Variants in STK32B observed in about 807,000 individuals in gnomAD.
The protein encoded by STK32B is serine/threonine kinase 32B.
Under a neutral mutation model 52.6 loss-of-function variants are expected in STK32B, and 43 were observed. That is an observed-to-expected ratio of 0.82 (90% CI 0.64 to 1.05). STK32B has a LOEUF of 1.05. STK32B is among the 50% of genes least tolerant of loss of function. STK32B has a pLI of 0.00. For missense variants in STK32B, 621 were observed against 534.6 expected (o/e 1.16, Z -1.59); for synonymous variants, 238 against 204.3 (o/e 1.17, Z -1.41).
At chr4:5,340,329 T>C (rs1047837044) in intron 4 of STK32B, among the ~76,000 whole-genome samples, 1 of 152,054 alleles carries the variant, frequency 6.6e-6, no homozygotes, top group African/African-American at 2.4e-5. Flanking sequence ...AGGGGCCGAG[T>C]TGGCAAGTAA....
chr4:5,250,099 A>G (rs561907930), intron 3 of STK32B, among the ~76,000 whole-genome samples: 2 of 152,198 alleles, frequency 1.3e-5, no homozygotes, highest in East Asian at 1.9e-4. Context: ...ATTCAGTTTT[A>G]TGGTGGCATA....
At chr4:5,080,280 T>G (rs1468330692) in intron 1 of STK32B, among the ~76,000 whole-genome samples, 2 of 152,154 alleles carry the variant, frequency 1.3e-5, no homozygotes, top group South Asian at 2.1e-4. Flanking sequence ...CACTCTCTTG[T>G]GTATACCAAG....
In STK32B at chr4:5,469,475, A is replaced by G. The variant is rs1717692534; in HGVS notation, c.1106+1405A>G. Among the ~76,000 whole-genome samples, 1 of 152,140 alleles carries G rather than the reference A, an allele frequency of 6.6e-6. No individual in the cohort carries two copies. Among genetic ancestry groups the G allele is most frequent in the African/African-American group, 2.4e-5 (1 of 41,440 alleles). Reference sequence around the variant, plus strand: ...CCAGGAGTAGGAAAAGTGCACAGAGAAGGAAGACAGCATGGCTGCCGCAGG... The same window carrying G: ...CCAGGAGTAGGAAAAGTGCACAGAGGAGGAAGACAGCATGGCTGCCGCAGG... On this transcript the variant is annotated intron_variant, in intron 11 of 11. Coordinates refer to ENST00000282908, the MANE Select transcript of STK32B (RefSeq NM_018401.3). The surrounding 1 kb of genome is among the most constrained non-coding windows in gnomAD (Gnocchi z 4.7).
the STK32B span, among the ~76,000 whole-genome samples, chr4:5,037,058 GTGTC>G: frequency 1.3e-5 from 2 of 152,188 alleles, no homozygotes; most frequent in South Asian, 2.1e-4. Context: ...CTGGAGCAGG[GTGTC>G]TGAGCTATTG....
chr4:5,125,104 T>G lies in STK32B; in HGVS notation c.53-14801T>G, dbSNP rs76323108. Among the ~76,000 whole-genome samples the G allele has an allele frequency of 4.7e-3, 723 of 152,232 alleles. 3 individuals carry two copies. The highest frequency in any genetic ancestry group is 0.017 in the African/African-American group (701 of 41,556). ...CACAACCAGCAAAGACACAGGGACC[T>G]TAGTCCTACAGCTGCAGGGAACGGA... On this transcript the variant is annotated intron_variant, in intron 1 of 11. Coordinates refer to ENST00000282908, the MANE Select transcript of STK32B (RefSeq NM_018401.3).
intron 2 of STK32B, among the ~76,000 whole-genome samples, chr4:5,142,977 C>T (rs895355978): frequency 6.6e-6 from 1 of 152,164 alleles, no homozygotes; most frequent in East Asian, 1.9e-4. Context: ...ACTGGAGTTG[C>T]AGTATCAACT....
intron 4 of STK32B, among the ~76,000 whole-genome samples, chr4:5,365,041 A>G (rs1377233395): frequency 4.6e-5 from 7 of 151,854 alleles, no homozygotes; most frequent in Non-Finnish European, 1.0e-4. Context: ...ACACCCGGCT[A>G]ATTTTTGTAT....
chr4:5,489,909 T>C (rs993922403), intron 11 of STK32B, among the ~76,000 whole-genome samples: 2 of 152,200 alleles, frequency 1.3e-5, no homozygotes, highest in African/African-American at 2.4e-5. Flanking sequence ...AGATACAGTG[T>C]AATACATGTA....
At chr4:5,167,737 A>C (rs1349645849) in intron 2 of STK32B, among the ~76,000 whole-genome samples, 1 of 152,204 alleles carries the variant, frequency 6.6e-6, no homozygotes, top group African/African-American at 2.4e-5. Flanking sequence ...ACAGTCGTGG[A>C]TCGAATGTTG....
chr4:5,127,063 T>G (rs1560165209), intron 1 of STK32B: 2 of 500,836 alleles, frequency 4.0e-6, no homozygotes, highest in Non-Finnish European at 4.0e-6. Flanking sequence ...GCCATGGACA[T>G]TGGTGCTGCC....
chr4:5,187,595 G>A (rs1240473441), intron 3 of STK32B, among the ~76,000 whole-genome samples: 3 of 151,364 alleles, frequency 2.0e-5, no homozygotes, highest in East Asian at 1.9e-4. Flanking sequence ...GGGGTGTGTC[G>A]GGGCAGGGTG....
At chr4:5,059,326 G>A (rs1490809184) in intron 1 of STK32B, among the ~76,000 whole-genome samples, 1 of 151,970 alleles carries the variant, frequency 6.6e-6, no homozygotes, top group Non-Finnish European at 1.5e-5. Flanking sequence ...TTACAATTAA[G>A]TATTATATTA....
At chr4:5,321,500 T>G (rs1020271450) in intron 3 of STK32B, among the ~76,000 whole-genome samples, 3 of 152,180 alleles carry the variant, frequency 2.0e-5, no homozygotes, top group Admixed American at 2.0e-4. Context: ...TTTCCACTGC[T>G]AAGGGAGCAG....
intron 1 of STK32B, among the ~76,000 whole-genome samples, chr4:5,092,440 G>C (rs1227492858): frequency 1.3e-5 from 2 of 151,926 alleles, no homozygotes; most frequent in East Asian, 3.9e-4. Flanking sequence ...GCTGAGGCCG[G>C]AGAATGGTGT....
At chr4:5,371,714 T>C (rs1015084613) in intron 4 of STK32B, among the ~76,000 whole-genome samples, 2 of 152,216 alleles carry the variant, frequency 1.3e-5, no homozygotes, top group African/African-American at 4.8e-5. Context: ...TCAAAATTAC[T>C]CAACCCTGCC....
rs550076013 is a variant in STK32B at position 5,386,202 on chromosome 4, C to A, written c.435-12005C>A. On this transcript the variant is annotated intron_variant, in intron 4 of 11. Transcript: ENST00000282908. The surrounding 1 kb of genome is among the most constrained non-coding windows in gnomAD (Gnocchi z 4.5). The stretch of plus-strand genomic sequence containing the variant: ...TCTCACACAGCACCCTCACTCTCCC[C>A]CTCTATTTCCCTCAGCGTATCATAT... Among the ~76,000 whole-genome samples the A allele has an allele frequency of 6.6e-6, 1 of 152,154 alleles. No individual in the cohort carries two copies. The highest frequency in any genetic ancestry group is 1.9e-4 in the East Asian group (1 of 5,170).
chr4:5,432,570 C>T (rs544165078), intron 6 of STK32B, among the ~76,000 whole-genome samples: 201 of 151,454 alleles, frequency 1.3e-3, no homozygotes, highest in African/African-American at 4.8e-3. Flanking sequence ...AATAGGAGTT[C>T]ATGAATATGA....
intron 2 of STK32B, among the ~76,000 whole-genome samples, chr4:5,144,333 C>A (rs546319402): frequency 6.6e-6 from 1 of 152,306 alleles, no homozygotes; most frequent in South Asian, 2.1e-4. Context: ...AGTAGAGTGT[C>A]TAGCACAGAA....
At chr4:5,358,718 CACACAGGCACACAA>C (rs544303190) in intron 4 of STK32B, among the ~76,000 whole-genome samples, 308 of 146,180 alleles carry the variant, frequency 2.1e-3, no homozygotes, top group African/African-American at 7.8e-3. Flanking sequence ...CACACACACA[CACACAGGCACACAA>C]AGGCACACAG....
Sources: gnomAD v4.1 joint callset for allele counts (sites outside exome capture counted in the v4.1 genomes callset) on GRCh38, gnomAD v4.1.1 for gene constraint, Gnocchi (gnomAD v3.1) non-coding constraint, MANE v1.5 for transcripts, NCBI Gene and HGNC (gene_info 2026-07-23, HGNC 2026-07-21) for gene names.